SOWAHB: variants seen among roughly 807,000 people sequenced by gnomAD.
The protein encoded by SOWAHB is sosondowah ankyrin repeat domain family member B.
SOWAHB carries 17 observed loss-of-function variants against 18.3 expected under a neutral mutation model. That is an observed-to-expected ratio of 0.93 (90% CI 0.64 to 1.40). SOWAHB has a LOEUF of 1.40. Among genes scored for constraint, SOWAHB ranks in the 40% most tolerant of loss-of-function variants. SOWAHB has a pLI of 0.00. For missense variants in SOWAHB, 1,126 were observed against 1,033.7 expected, an observed-to-expected ratio of 1.09 and a Z score of -1.22; for synonymous variants, 496 against 448.1, an observed-to-expected ratio of 1.11 and a Z score of -1.35.
Position 76,897,475 on chromosome 4 carries a change from G to T in SOWAHB, c.375C>A (p.Arg125=), listed in dbSNP as rs770556615. 6.1e-6 allele frequency: 9 copies of T among 1,487,120 alleles called. No homozygotes were observed. Among genetic ancestry groups the T allele is most frequent in the South Asian group, 1.3e-5 (1 of 78,088 alleles). The allele number at this position is 1,487,120 out of a possible 1,614,324, so 92.1% of individuals were successfully genotyped here. The change falls in exon 1 of 1, where the codon CGC becomes CGA. Residue 125 remains arginine, a synonymous_variant. Transcript: ENST00000334306. The surrounding 1 kb of genome is among the most constrained non-coding windows in gnomAD (Gnocchi z 6.4). Reference sequence around the variant, plus strand: ...CTGGCTCCTCCTCCGGCTCCTTCTCGCGCCGCCGCCGCCTGGGCTGCTGCT... The same window carrying T: ...CTGGCTCCTCCTCCGGCTCCTTCTCTCGCCGCCGCCGCCTGGGCTGCTGCT... The part of the protein sequence containing the change: ...PPQQQPRRRR[R]EKEPEEEPAG...
chr4:76,897,910 C>G lies in SOWAHB; in HGVS notation c.-61G>C. On this transcript the variant is annotated 5_prime_UTR_variant, in exon 1 of 1. Coordinates refer to ENST00000334306, the MANE Select transcript of SOWAHB (RefSeq NM_001029870.3). This position sits in a 1 kb window ranked among gnomAD's most constrained non-coding sequence, Gnocchi z 6.4. Reference sequence around the variant, plus strand: ...CTCGCCCTCCCGGGGCTCTCCCCAGCCAGAGGAAACCCTGGCCGGGCGAGT... The same window carrying G: ...CTCGCCCTCCCGGGGCTCTCCCCAGGCAGAGGAAACCCTGGCCGGGCGAGT... 6.7e-7 allele frequency: 1 copy of G among 1,495,872 alleles called. No individual in the cohort carries two copies. The highest frequency in any genetic ancestry group is 8.9e-7 in the Non-Finnish European group (1 of 1,119,250). The allele number at this position is 1,495,872 out of a possible 1,614,324, so 92.7% of individuals were successfully genotyped here. A position where few individuals can be genotyped will look rare whatever the true frequency, so the allele number is the denominator to read the frequency against.
Position 76,895,708 on chromosome 4 carries a change from A to G in SOWAHB, c.2142T>C (p.Asn714=). The change falls in exon 1 of 1, where the codon AAT becomes AAC. Residue 714 remains asparagine, a synonymous_variant. Coordinates refer to ENST00000334306, the MANE Select transcript of SOWAHB (RefSeq NM_001029870.3). ...GKKPWQYLTS[N]TSGEIWQLLG... ...ACAGCTGCCATATTTCCCCAGAGGTATTACTGGTTAGATACTGCCATGGCT... is the reference window on the plus strand; with the variant it reads ...ACAGCTGCCATATTTCCCCAGAGGTGTTACTGGTTAGATACTGCCATGGCT... 2 of 1,614,214 alleles carry G rather than the reference A, an allele frequency of 1.2e-6. No individual in the cohort carries two copies. The highest frequency in any genetic ancestry group is 1.3e-5 in the African/African-American group (1 of 75,046).
Position 76,896,748 on chromosome 4 carries a change from C to T in SOWAHB, c.1102G>A (p.Glu368Lys). The T allele has an allele frequency of 1.2e-6, 2 of 1,613,884 alleles. No individual in the cohort carries two copies. The highest frequency in any genetic ancestry group is 1.7e-5 in the Admixed American group (1 of 60,036). The change falls in exon 1 of 1, where the codon GAG becomes AAG. Residue 368 changes from glutamate (E) to lysine (K), a missense_variant. By Grantham distance (56) the Glu-to-Lys change is moderately conservative. Coordinates refer to ENST00000334306, the MANE Select transcript of SOWAHB (RefSeq NM_001029870.3). ...SHSLFPVVPDESWESWAGNPS... is the reference protein window; with the variant it reads ...SHSLFPVVPDKSWESWAGNPS... Reference sequence around the variant, plus strand: ...TTCCCCGCCCAGGATTCCCAGGACTCATCCGGAACAACAGGAAAGAGAGAG... The same window carrying T: ...TTCCCCGCCCAGGATTCCCAGGACTTATCCGGAACAACAGGAAAGAGAGAG...
rs771798208 is a variant in SOWAHB, at chr4:76,895,617, T to C, written c.2233A>G (p.Arg745Gly). The C allele has an allele frequency of 6.2e-7, 1 of 1,614,262 alleles. No individual in the cohort carries two copies. The highest frequency in any genetic ancestry group is 8.5e-7 in the Non-Finnish European group (1 of 1,180,048). The change falls in exon 1 of 1, where the codon AGA becomes GGA. Residue 745 changes from arginine (R) to glycine (G), a missense_variant. Transcript: ENST00000334306. ...GATATTTCCTTGCTCTTGGCCTTTC[T>C]GGTAGGGGAAGAACTTCCAACTAAG... The part of the protein sequence containing the change: ...YPLVGSSSPT[R>G]KAKSKEISRS...
rs556460791 is a variant in SOWAHB at position 76,896,329 on chromosome 4, C to A, written c.1521G>T (p.Leu507Phe). The stretch of plus-strand genomic sequence containing the variant: ...CGAGGTACTCCTCATCAGAGGAGGA[C>A]AATTTGGCTCTCCCTGCCAGAGAGC... ...RRSSLAGRAK[L>F]SSSDEEYLDE... The change falls in exon 1 of 1, where the codon TTG (leucine) becomes TTT (phenylalanine). Residue 507 changes from leucine (L) to phenylalanine (F), a missense_variant. By Grantham distance (22) the Leu-to-Phe change is conservative (BLOSUM62 0). Transcript: ENST00000334306. 5.6e-6 allele frequency: 9 copies of A among 1,604,690 alleles called. 1 individual carries two copies. In the South Asian group the frequency reaches 9.9e-5, roughly 18 times the overall value.
chr4:76,895,914 C>T lies in SOWAHB; in HGVS notation c.1936G>A (p.Ala646Thr), dbSNP rs765912938. ...HWIAKHGDLR[A>T]LQDLVSGAKK... ...GCTCCAGACACCAAGTCCTGAAGGG[C>T]CCTGAGGTCACCATGTTTGGCTATC... Residue 646 changes from alanine to threonine, a missense_variant, in exon 1 of 1, where the codon GCC (alanine) becomes ACC (threonine). Physicochemically the swap from Ala to Thr is moderately conservative, Grantham distance 58 (BLOSUM62 0). Transcript: ENST00000334306. The T allele has an allele frequency of 2.5e-6, 4 of 1,614,182 alleles. No individual in the cohort carries two copies. The South Asian group carries it at 4.4e-5, about 18-fold the overall frequency.
rs768378715 is a variant in SOWAHB at position 76,896,580 on chromosome 4, G to T, written c.1270C>A (p.Gln424Lys). The T allele has an allele frequency of 1.9e-6, 3 of 1,613,724 alleles. No homozygotes were observed. The highest frequency in any genetic ancestry group is 1.7e-6 in the Non-Finnish European group (2 of 1,180,022). ...CTATCTGGGGTTCCCAAGACAACCT[G>T]CAGCCCCTCTTCAGAAGCCCCCGGG... is the stretch of plus-strand genomic sequence containing the variant. ...DSPGASEEGL[Q>K]VVLGTPDRGK... Residue 424 changes from glutamine (Q) to lysine (K), a missense_variant, in exon 1 of 1, where the codon CAG becomes AAG. Physicochemically the swap from Gln to Lys is moderately conservative, Grantham distance 53. Coordinates refer to ENST00000334306, the MANE Select transcript of SOWAHB (RefSeq NM_001029870.3).
rs1719869751 is a variant in SOWAHB at position 76,894,721 on chromosome 4, G to A, written c.*747C>T. Among the ~76,000 whole-genome samples, 1 of 152,104 alleles carries A rather than the reference G, an allele frequency of 6.6e-6. No homozygotes were observed. Among genetic ancestry groups the A allele is most frequent in the South Asian group, 2.1e-4 (1 of 4,822 alleles). On this transcript the variant is annotated 3_prime_UTR_variant, in exon 1 of 1. Coordinates refer to ENST00000334306, the MANE Select transcript of SOWAHB (RefSeq NM_001029870.3). ...TTTTACATTTGGAAAGTTCCCTTCG[G>A]GTTGATACAAAAAAGCAGGGCCTGA...
rs1560661667 is a variant in SOWAHB at position 76,896,342 on chromosome 4, C to G, written c.1508G>C (p.Gly503Ala). 6.2e-7 allele frequency: 1 copy of G among 1,602,692 alleles called. No homozygotes were observed. Among genetic ancestry groups the G allele is most frequent in the Admixed American group, 1.7e-5 (1 of 59,082 alleles). Residue 503 changes from glycine (G) to alanine (A), a missense_variant, in exon 1 of 1, where the codon GGG (glycine) becomes GCG (alanine). Physicochemically the swap from Gly to Ala is moderately conservative, Grantham distance 60 (BLOSUM62 0). Coordinates refer to ENST00000334306, the MANE Select transcript of SOWAHB (RefSeq NM_001029870.3). ...ATCAGAGGAGGACAATTTGGCTCTC[C>G]CTGCCAGAGAGCTCCTCCTGAGGGA... ...RRSLRRSSLA[G>A]RAKLSSSDEE...
Position 76,894,341 on chromosome 4 carries a change from C to T in SOWAHB, c.*1127G>A, listed in dbSNP as rs1052564904. Among the ~76,000 whole-genome samples, 3 of 152,124 alleles carry T rather than the reference C, an allele frequency of 2.0e-5. No individual in the cohort carries two copies. Among genetic ancestry groups the T allele is most frequent in the Non-Finnish European group, 4.4e-5 (3 of 68,032 alleles). On this transcript the variant is annotated 3_prime_UTR_variant, in exon 1 of 1. Coordinates refer to ENST00000334306, the MANE Select transcript of SOWAHB (RefSeq NM_001029870.3). ...TTCTGAAATCTTGATGCTCTACTGACGTTTATAGACTAGCCATTTTCTCAC... is the reference window on the plus strand; with the variant it reads ...TTCTGAAATCTTGATGCTCTACTGATGTTTATAGACTAGCCATTTTCTCAC...
At position 76,896,882 on chromosome 4, in the gene SOWAHB, C is replaced by A. The variant is rs781155292; in HGVS notation, c.968G>T (p.Gly323Val). The change falls in exon 1 of 1, where the codon GGC becomes GTC. Residue 323 changes from glycine to valine, a missense_variant. Coordinates refer to ENST00000334306, the MANE Select transcript of SOWAHB (RefSeq NM_001029870.3). The part of the protein sequence containing the change: ...HPQVPEARDQ[G>V]PIRAWSVLPD... ...CAGCACCGACCAGGCGCGGATAGGG[C>A]CCTGATCACGGGCCTCGGGCACCTG... The A allele has an allele frequency of 1.9e-6, 3 of 1,613,202 alleles. No individual in the cohort carries two copies. In the Admixed American group the frequency reaches 5.0e-5, roughly 27 times the overall value.
In SOWAHB at chr4:76,894,416, C is replaced by T. The variant is rs1719862870; in HGVS notation, c.*1052G>A. Among the ~76,000 whole-genome samples, 1 of 152,148 alleles carries T rather than the reference C, an allele frequency of 6.6e-6. No homozygotes were observed. The highest frequency in any genetic ancestry group is 1.5e-5 in the Non-Finnish European group (1 of 68,036). ...CTCTTCAAAAGCAATTAAAAAGGAG[C>T]ACTTCATGTTAGATATAGAGTACTT... On this transcript the variant is annotated 3_prime_UTR_variant, in exon 1 of 1. Coordinates refer to ENST00000334306, the MANE Select transcript of SOWAHB (RefSeq NM_001029870.3).
Position 76,897,346 on chromosome 4 carries a change from T to C in SOWAHB, c.504A>G (p.Gly168=). The change falls in exon 1 of 1, where the codon GGA becomes GGG. Residue 168 remains glycine (G), a synonymous_variant. Transcript: ENST00000334306. This position sits in a 1 kb window ranked among gnomAD's most constrained non-coding sequence, Gnocchi z 6.4. ...GKGGGSKGSP[G]QRPPVPAAAA... is the part of the protein sequence containing the mutation. ...CAGCTGCGGGCACCGGCGGCCTCTG[T>C]CCGGGACTGCCCTTCGATCCGCCGC... The C allele has an allele frequency of 6.5e-7, 1 of 1,535,414 alleles. No homozygotes were observed. The highest frequency in any genetic ancestry group is 8.7e-7 in the Non-Finnish European group (1 of 1,147,392).
rs1304252330 is a variant in SOWAHB, at chr4:76,898,022, C to G, written c.-173G>C. ...CAGCCCGTGAGCGCGCCAGGAGGGC[C>G]GTGGGTCCCCTCCGGGTGGCCCCAA... is the stretch of plus-strand genomic sequence containing the variant. On this transcript the variant is annotated 5_prime_UTR_variant, in exon 1 of 1. Transcript: ENST00000334306. The G allele has an allele frequency of 3.0e-6, 2 of 670,692 alleles. No individual in the cohort carries two copies. The highest frequency in any genetic ancestry group is 4.9e-6 in the Non-Finnish European group (2 of 410,596). The allele number at this position is 670,692 out of a possible 1,614,324, so 41.5% of individuals were successfully genotyped here. A position where few individuals can be genotyped will look rare whatever the true frequency, so the allele number is the denominator to read the frequency against.
rs1004990130 is a variant in SOWAHB at position 76,895,240 on chromosome 4, T to C, written c.*228A>G. 5 of 468,246 alleles carry C rather than the reference T, an allele frequency of 1.1e-5. No individual in the cohort carries two copies. Among genetic ancestry groups the C allele is most frequent in the Non-Finnish European group, 1.9e-5 (5 of 267,922 alleles). 29.0% of individuals were successfully genotyped at this position (468,246 alleles called of 1,614,324 possible). On this transcript the variant is annotated 3_prime_UTR_variant, in exon 1 of 1. Coordinates refer to ENST00000334306, the MANE Select transcript of SOWAHB (RefSeq NM_001029870.3). ...GAATGCCTCCTAGATATCAAGCACC[T>C]GGCCCCGCCTCTTGTCTAGGTTTCT...
At position 76,896,075 on chromosome 4, in the gene SOWAHB, G is replaced by A. The variant is rs368420804; in HGVS notation, c.1775C>T (p.Pro592Leu). 6.3e-7 allele frequency: 1 copy of A among 1,594,902 alleles called. No homozygotes were observed. The highest frequency in any genetic ancestry group is 1.3e-5 in the African/African-American group (1 of 74,460). Residue 592 changes from proline (P) to leucine (L), a missense_variant, in exon 1 of 1, where the codon CCA becomes CTA. By Grantham distance (98) the Pro-to-Leu change is moderately conservative (BLOSUM62 -3). Coordinates refer to ENST00000334306, the MANE Select transcript of SOWAHB (RefSeq NM_001029870.3). Reference protein sequence around the residue: ...RTSEHKSSLVPLDAREHEWIV... With the variant: ...RTSEHKSSLVLLDAREHEWIV... ...CCACTCATGCTCCCTGGCATCTAGT[G>A]GAACCAGGGATGATTTGTGCTCAGA...
rs898934389 is a variant in SOWAHB at position 76,895,267 on chromosome 4, C to T, written c.*201G>A. On this transcript the variant is annotated 3_prime_UTR_variant, in exon 1 of 1. Coordinates refer to ENST00000334306, the MANE Select transcript of SOWAHB (RefSeq NM_001029870.3). ...GCCCCGCCTCTTGTCTAGGTTTCTC[C>T]AGTCAAGGAGTTCAGCTTTCAAAAA... 3.8e-6 allele frequency: 2 copies of T among 532,744 alleles called. No individual in the cohort carries two copies. The highest frequency in any genetic ancestry group is 3.8e-5 in the African/African-American group (2 of 52,452). 33.0% of individuals were successfully genotyped at this position (532,744 alleles called of 1,614,324 possible). A position where few individuals can be genotyped will look rare whatever the true frequency, so the allele number is the denominator to read the frequency against.
Position 76,897,383 on chromosome 4 carries a change from G to A in SOWAHB, c.467C>T (p.Ala156Val), listed in dbSNP as rs756302628. ...NGLPGSDSRR[A>V]PGKGGGSKGS... ...CTTCGATCCGCCGCCCTTCCCGGGC[G>A]CCCTACGGGAGTCGCTGCCCGGGAG... Residue 156 changes from alanine to valine, a missense_variant, in exon 1 of 1, where the codon GCG becomes GTG. By Grantham distance (64) the Ala-to-Val change is moderately conservative. Transcript: ENST00000334306. The surrounding 1 kb of genome is among the most constrained non-coding windows in gnomAD (Gnocchi z 6.4). 2.6e-6 allele frequency: 4 copies of A among 1,527,612 alleles called. No homozygotes were observed. Among genetic ancestry groups the A allele is most frequent in the Non-Finnish European group, 3.5e-6 (4 of 1,144,124 alleles). The allele number at this position is 1,527,612 out of a possible 1,614,324, so 94.6% of individuals were successfully genotyped here. A position where few individuals can be genotyped will look rare whatever the true frequency, so the allele number is the denominator to read the frequency against.
chr4:76,897,893 C>T lies in SOWAHB; in HGVS notation c.-44G>A. The T allele has an allele frequency of 6.5e-6, 10 of 1,537,038 alleles. No individual in the cohort carries two copies. The highest frequency in any genetic ancestry group is 8.7e-6 in the Non-Finnish European group (10 of 1,144,912). ...CCCAGAGGTGTCTGAGTCTCGCCCT[C>T]CCGGGGCTCTCCCCAGCCAGAGGAA... On this transcript the variant is annotated 5_prime_UTR_variant, in exon 1 of 1. Transcript: ENST00000334306. The surrounding 1 kb of genome is among the most constrained non-coding windows in gnomAD (Gnocchi z 6.4).
Sources: gnomAD v4.1 joint callset for allele counts (sites outside exome capture counted in the v4.1 genomes callset) on GRCh38, gnomAD v4.1.1 for gene constraint, Gnocchi (gnomAD v3.1) non-coding constraint, MANE v1.5 for transcripts, NCBI Gene and HGNC (gene_info 2026-07-23, HGNC 2026-07-21) for gene names.